PDSS2: variants seen among roughly 807,000 people sequenced by gnomAD.
PDSS2 encodes all trans-polyprenyl-diphosphate synthase PDSS2.
PDSS2 carries 31 observed loss-of-function variants against 44.5 expected under a neutral mutation model. That is an observed-to-expected ratio of 0.70 (90% CI 0.52 to 0.94). The LOEUF (loss-of-function observed/expected upper bound fraction) is 0.94. Among genes scored for constraint, PDSS2 ranks in the 40% least tolerant of loss-of-function variants. The probability of loss-of-function intolerance (pLI) is 0.00; values close to 1 mark genes in which losing one functional copy is unlikely to be tolerated. For missense variants in PDSS2, 452 were observed against 482.2 expected, an observed-to-expected ratio of 0.94 and a Z score of 0.59; for synonymous variants, 157 against 180.3, an observed-to-expected ratio of 0.87 and a Z score of 1.03.
intron 1 of PDSS2, among the ~76,000 whole-genome samples, chr6:107,345,097 A>G (rs960907573): frequency 6.6e-6 from 1 of 151,554 alleles, no homozygotes; most frequent in Non-Finnish European, 1.5e-5. Context: ...AACACACAAG[A>G]CTCACACCAC....
chr6:107,284,380 G>T (rs1381911262), intron 2 of PDSS2, among the ~76,000 whole-genome samples: 2 of 152,002 alleles, frequency 1.3e-5, no homozygotes, highest in Non-Finnish European at 2.9e-5. Flanking sequence ...TTGTTAACTG[G>T]CTGGGCGCGG....
chr6:107,420,714 G>T (rs1780797812), intron 1 of PDSS2, among the ~76,000 whole-genome samples: 1 of 152,046 alleles, frequency 6.6e-6, no homozygotes, highest in Admixed American at 6.6e-5. Context: ...TATGTAAAAT[G>T]TGAACCACAG....
chr6:107,427,368 T>C (rs1282093600), intron 1 of PDSS2, among the ~76,000 whole-genome samples: 1 of 152,214 alleles, frequency 6.6e-6, no homozygotes, highest in Non-Finnish European at 1.5e-5. Flanking sequence ...CATTACATCT[T>C]TTTTTCTTCC....
At chr6:107,355,240 A>G (rs1778561676) in intron 1 of PDSS2, among the ~76,000 whole-genome samples, 1 of 152,172 alleles carries the variant, frequency 6.6e-6, no homozygotes, top group African/African-American at 2.4e-5. Flanking sequence ...TCTTACATCA[A>G]AGTAAGTTAA....
intron 3 of PDSS2, among the ~76,000 whole-genome samples, chr6:107,259,267 T>C (rs941190079): frequency 5.3e-5 from 8 of 152,148 alleles, no homozygotes; most frequent in African/African-American, 1.9e-4. Context: ...TCAGATAGAC[T>C]GAAATAATAG....
At chr6:107,334,784 G>A (rs940482809) in intron 1 of PDSS2, among the ~76,000 whole-genome samples, 1 of 150,736 alleles carries the variant, frequency 6.6e-6, no homozygotes, top group African/African-American at 2.4e-5. Context: ...CTGGACACAA[G>A]CAATCTTTCT....
chr6:107,437,911 A>G (rs1249113346), intron 1 of PDSS2, among the ~76,000 whole-genome samples: 3 of 152,202 alleles, frequency 2.0e-5, no homozygotes, highest in Admixed American at 6.5e-5. Flanking sequence ...GACAATCATT[A>G]CTAATCACTT....
chr6:107,334,543 T>C (rs917609538), intron 1 of PDSS2, among the ~76,000 whole-genome samples: 8 of 151,674 alleles, frequency 5.3e-5, no homozygotes, highest in African/African-American at 1.7e-4. Context: ...GTTGTTGTTG[T>C]TGTTGTTGTT....
intron 4 of PDSS2, among the ~76,000 whole-genome samples, chr6:107,234,828 C>T (rs1321919342): frequency 6.6e-6 from 1 of 152,048 alleles, no homozygotes; most frequent in African/African-American, 2.4e-5. Context: ...AATGCAATAG[C>T]ACCATAAAAT....
intron 3 of PDSS2, among the ~76,000 whole-genome samples, chr6:107,266,450 G>A (rs1382905856): frequency 6.6e-6 from 1 of 150,922 alleles, no homozygotes; most frequent in Non-Finnish European, 1.5e-5. Context: ...AGAACAAGGT[G>A]CAAAAGATTC....
intron 2 of PDSS2, among the ~76,000 whole-genome samples, chr6:107,307,235 T>C (rs144988038): frequency 6.6e-6 from 1 of 152,274 alleles, no homozygotes; most frequent in East Asian, 1.9e-4. Context: ...GGTGATGCCT[T>C]TACACCATAA....
chr6:107,334,448 A>G (rs1777812227), intron 1 of PDSS2, 116 bp from the exon 2 acceptor site: 1 of 936,838 alleles, frequency 1.1e-6, no homozygotes. Flanking sequence ...AGACTTACTG[A>G]AAAGAAACAG....
At position 107,361,645 on chromosome 6, in the gene PDSS2, A is replaced by G. The variant is rs2114287675; in HGVS notation, c.297-27313T>C. 1.3e-5 allele frequency among the ~76,000 whole-genome samples: 2 copies of G among 152,324 alleles called. 1 individual carries two copies. The highest frequency in any genetic ancestry group is 2.9e-5 in the Non-Finnish European group (2 of 68,042). ...TACTCAACATAAAACATAGGATCAC[A>G]CATGTAACACTATCCAAATCACTGG... On this transcript the variant is annotated intron_variant, in intron 1 of 7. Transcript: ENST00000369037.
At chr6:107,159,519 C>A (rs1433444058) in intron 7 of PDSS2, among the ~76,000 whole-genome samples, 8 of 150,712 alleles carry the variant, frequency 5.3e-5, no homozygotes, top group African/African-American at 1.5e-4. Context: ...CGGGTTCAAG[C>A]GATTTTCCTG....
chr6:107,282,748 A>G (rs999816198), intron 2 of PDSS2, among the ~76,000 whole-genome samples: 3 of 151,328 alleles, frequency 2.0e-5, no homozygotes, highest in African/African-American at 7.3e-5. Flanking sequence ...AGGTGCCTGT[A>G]GTCCCAGCTA....
At chr6:107,445,912 G>C (rs576753640) in intron 1 of PDSS2, among the ~76,000 whole-genome samples, 1 of 152,082 alleles carries the variant, frequency 6.6e-6, no homozygotes, top group Non-Finnish European at 1.5e-5. Flanking sequence ...CTGTCTCCCA[G>C]GTCTTCTTTC....
chr6:107,198,440 T>C (rs741314), intron 6 of PDSS2, among the ~76,000 whole-genome samples: 44,162 of 152,080 alleles, frequency 0.29, 6,609 homozygotes, highest in East Asian at 0.5. Context: ...TCACAATAAA[T>C]GTTCTAGCTC....
intron 3 of PDSS2, among the ~76,000 whole-genome samples, chr6:107,256,119 T>A (rs1171193002): frequency 2.0e-5 from 3 of 152,098 alleles, no homozygotes; most frequent in Non-Finnish European, 4.4e-5. Context: ...GCCTCCCGAG[T>A]AGCTGGGGCT....
chr6:107,311,929 T>C (rs922952153), intron 2 of PDSS2, among the ~76,000 whole-genome samples: 1 of 152,174 alleles, frequency 6.6e-6, no homozygotes, highest in African/African-American at 2.4e-5. Context: ...CTATCACCAC[T>C]AATGTTTGTA....
Sources: allele counts gnomAD v4.1 joint callset (sites outside exome capture counted in the v4.1 genomes callset), GRCh38; gene constraint gnomAD v4.1.1; transcripts MANE v1.5; gene names NCBI Gene and HGNC (gene_info 2026-07-23, HGNC 2026-07-21).